RESF1: variants seen among roughly 807,000 people sequenced by gnomAD.
RESF1 encodes gonad expressed transcript.
RESF1 carries 65 observed loss-of-function variants against 134.7 expected under a neutral mutation model. The ratio of observed to expected loss-of-function variants is 0.48; its 90% CI spans 0.40 to 0.59. RESF1 has a LOEUF of 0.59. Ranked by LOEUF, RESF1 falls within the 20% of genes least tolerant of loss-of-function variation. The pLI, the probability that RESF1 is intolerant of heterozygous loss-of-function variation, is 0.00. For missense variants in RESF1, 2,274 were observed against 2,002.7 expected, an observed-to-expected ratio of 1.14 and a Z score of -2.59; for synonymous variants, 762 against 702.2, an observed-to-expected ratio of 1.09 and a Z score of -1.35.
chr12:31,974,648 A>G (rs190901944), intron 3 of RESF1, among the ~76,000 whole-genome samples: 219 of 152,186 alleles, frequency 1.4e-3, no homozygotes, highest in African/African-American at 5.0e-3. Context: ...CTATCTCCAA[A>G]TACACTGAGG....
At chr12:31,965,116 C>A (rs957862562) in intron 2 of RESF1, among the ~76,000 whole-genome samples, 1 of 152,108 alleles carries the variant, frequency 6.6e-6, no homozygotes, top group Non-Finnish European at 1.5e-5. Context: ...GCCACCACAC[C>A]GCGGTAATTT....
chr12:31,984,579 T>C lies in RESF1; in HGVS notation c.3624T>C (p.Ser1208=). 6.3e-7 allele frequency: 1 copy of C among 1,583,736 alleles called. No homozygotes were observed. Among genetic ancestry groups the C allele is most frequent in the Non-Finnish European group, 8.6e-7 (1 of 1,167,968 alleles). The change falls in exon 4 of 6, where the codon TCT becomes TCC. Residue 1208 remains serine, a synonymous_variant. Coordinates refer to ENST00000312561, the MANE Select transcript of RESF1 (RefSeq NM_018169.4). ...SEEEKQKEQC[S]PLDTNSCKQG... The stretch of plus-strand genomic sequence containing the variant: ...AAGAGAAACAAAAAGAGCAGTGTTC[T>C]CCTTTGGATACCAACAGTTGTAAAC...
intron 1 of RESF1, 54 bp downstream of exon 1, chr12:31,959,545 G>C (rs2120730999): frequency 6.6e-6 from 1 of 152,508 alleles, no homozygotes; most frequent in African/African-American, 2.4e-5. Context: ...GTCCGGGCGG[G>C]GCGGGGGCCG....
intron 3 of RESF1, among the ~76,000 whole-genome samples, chr12:31,976,662 G>A (rs2120818718): frequency 6.6e-6 from 1 of 152,046 alleles, no homozygotes; most frequent in Non-Finnish European, 1.5e-5. Flanking sequence ...CAGTCTGGGT[G>A]ACAGAGCGAG....
chr12:31,982,398 T>G lies in RESF1; in HGVS notation c.1443T>G (p.Thr481=), dbSNP rs1198862510. 6.2e-7 allele frequency: 1 copy of G among 1,614,038 alleles called. No individual in the cohort carries two copies. The highest frequency in any genetic ancestry group is 1.3e-5 in the African/African-American group (1 of 75,036). The change falls in exon 4 of 6, where the codon ACT becomes ACG. Residue 481 remains threonine, a synonymous_variant. Coordinates refer to ENST00000312561, the MANE Select transcript of RESF1 (RefSeq NM_018169.4). Reference sequence around the variant, plus strand: ...TGGAATCTGCAGAAACAAATAAGACTCAATGTATGTTGAATTCTGACATTC... The same window carrying G: ...TGGAATCTGCAGAAACAAATAAGACGCAATGTATGTTGAATTCTGACATTC... ...TVVESAETNK[T]QCMLNSDIQE...
At chr12:31,966,179 AT>A (rs1939393974) in intron 2 of RESF1, among the ~76,000 whole-genome samples, 1 of 152,084 alleles carries the variant, frequency 6.6e-6, no homozygotes, top group African/African-American at 2.4e-5. Flanking sequence ...CAAAAAAAAA[AT>A]CTCATAATGT....
intron 4 of RESF1, among the ~76,000 whole-genome samples, chr12:31,986,279 A>G (rs1011395191): frequency 1.3e-5 from 2 of 152,204 alleles, no homozygotes; most frequent in Non-Finnish European, 2.9e-5. Flanking sequence ...GGAATGTCAG[A>G]AAAGTGTCAA....
chr12:31,961,520 C>T (rs7955585), intron 2 of RESF1, among the ~76,000 whole-genome samples: 93,122 of 152,072 alleles, frequency 0.61, 29,020 homozygotes, highest in African/African-American at 0.66. Flanking sequence ...TGATGCATGG[C>T]AAGTGCCCAA....
At chr12:31,979,354 GT>G (rs1939717748) in intron 3 of RESF1, among the ~76,000 whole-genome samples, 1 of 152,122 alleles carries the variant, frequency 6.6e-6, no homozygotes, top group South Asian at 2.1e-4. Context: ...GAACCCACAA[GT>G]TAAAGGGCTC....
At chr12:31,988,116 A>G (rs984841278) in intron 5 of RESF1, among the ~76,000 whole-genome samples, 2 of 152,202 alleles carry the variant, frequency 1.3e-5, no homozygotes, top group African/African-American at 2.4e-5. Flanking sequence ...TTACATGTTA[A>G]TTTGATTAAT....
intron 2 of RESF1, among the ~76,000 whole-genome samples, chr12:31,966,625 A>C (rs1939402546): frequency 6.6e-6 from 1 of 152,166 alleles, no homozygotes; most frequent in African/African-American, 2.4e-5. Context: ...TCCCTTTTTT[A>C]GGGAGAAAGC....
At position 31,983,378 on chromosome 12, in the gene RESF1, C is replaced by G. The variant is rs150039507; in HGVS notation, c.2423C>G (p.Ala808Gly). ...TTACAAAATCAATTGGCAGAAAATG[C>G]AAAGGCAACTGCTGCTTTGAAAGTT... ...CSLQNQLAEN[A>G]KATAALKVDV... The change falls in exon 4 of 6, where the codon GCA (alanine) becomes GGA (glycine). Residue 808 changes from alanine to glycine, a missense_variant. Ala to Gly is a moderately conservative substitution (Grantham distance 60). Coordinates refer to ENST00000312561, the MANE Select transcript of RESF1 (RefSeq NM_018169.4). The G allele has an allele frequency of 1.2e-6, 2 of 1,613,958 alleles. No individual in the cohort carries two copies. Among genetic ancestry groups the G allele is most frequent in the African/African-American group, 2.7e-5 (2 of 75,056 alleles).
chr12:31,968,903 T>G lies in RESF1; in HGVS notation c.-246-1286T>G, dbSNP rs374925522. 1.2e-4 allele frequency among the ~76,000 whole-genome samples: 19 copies of G among 152,348 alleles called. No individual in the cohort carries two copies. The South Asian group carries it at 3.9e-3, about 32-fold the overall frequency. On this transcript the variant is annotated intron_variant, in intron 2 of 5. Coordinates refer to ENST00000312561, the MANE Select transcript of RESF1 (RefSeq NM_018169.4). ...CTGTTAATAGTACTTTGATTCACTC[T>G]GATGATGTTCCACTTACCTTTAATA...
chr12:31,990,817 A>G (rs545482615), intron 5 of RESF1, among the ~76,000 whole-genome samples: 1 of 152,296 alleles, frequency 6.6e-6, no homozygotes, highest in Non-Finnish European at 1.5e-5. Context: ...ATAGTGAATT[A>G]TATACCTTAG....
Position 31,985,051 on chromosome 12 carries a change from C to T in RESF1, c.4096C>T (p.Leu1366Phe), listed in dbSNP as rs1565487606. ...SLSPEKIKLK[L>F]KSVSFKQKRK... Reference sequence around the variant, plus strand: ...ATCACCAGAAAAGATAAAATTGAAACTCAAATCAGTTAGCTTCAAACAAAA... The same window carrying T: ...ATCACCAGAAAAGATAAAATTGAAATTCAAATCAGTTAGCTTCAAACAAAA... Residue 1366 changes from leucine (L) to phenylalanine (F), a missense_variant, in exon 4 of 6, where the codon CTC (leucine) becomes TTC (phenylalanine). Coordinates refer to ENST00000312561, the MANE Select transcript of RESF1 (RefSeq NM_018169.4). 7 of 1,582,898 alleles carry T rather than the reference C, an allele frequency of 4.4e-6. No homozygotes were observed. In the Admixed American group the frequency reaches 7.9e-5, roughly 18 times the overall value.
chr12:31,972,344 C>T (rs867687480), intron 3 of RESF1, among the ~76,000 whole-genome samples: 1 of 151,484 alleles, frequency 6.6e-6, no homozygotes, highest in Non-Finnish European at 1.5e-5. Context: ...CAGTGGCTCA[C>T]GCCTGTAATC....
At position 31,985,258 on chromosome 12, in the gene RESF1, G is replaced by A; in HGVS notation, c.4303G>A (p.Ala1435Thr). 6.2e-7 allele frequency: 1 copy of A among 1,610,712 alleles called. No homozygotes were observed. The highest frequency in any genetic ancestry group is 8.5e-7 in the Non-Finnish European group (1 of 1,179,264). Residue 1435 changes from alanine to threonine, a missense_variant, in exon 4 of 6, where the codon GCG becomes ACG. Transcript: ENST00000312561. ...VSNTKSVDTK[A>T]SSSKFSRILT... ...AAATACTAAGTCTGTAGACACGAAA[G>A]CGAGTTCATCTAAATTTAGTAGAAT...
In RESF1 at chr12:31,984,445, G is replaced by C. The variant is rs1359704909; in HGVS notation, c.3490G>C (p.Asp1164His). 1 of 1,614,134 alleles carries C rather than the reference G, an allele frequency of 6.2e-7. No individual in the cohort carries two copies. The highest frequency in any genetic ancestry group is 1.1e-5 in the South Asian group (1 of 91,076). Residue 1164 changes from aspartate (D) to histidine (H), a missense_variant, in exon 4 of 6, where the codon GAC becomes CAC. By Grantham distance (81) the Asp-to-His change is moderately conservative. Coordinates refer to ENST00000312561, the MANE Select transcript of RESF1 (RefSeq NM_018169.4). ...AGQSRDSVILDSEKDDIHCCA... is the reference protein window; with the variant it reads ...AGQSRDSVILHSEKDDIHCCA... ...ACAAAGTCGTGATTCTGTGATACTG[G>C]ACTCTGAGAAAGATGATATCCACTG...
chr12:31,967,164 C>T (rs2120771614), intron 2 of RESF1, among the ~76,000 whole-genome samples: 1 of 152,296 alleles, frequency 6.6e-6, no homozygotes, highest in African/African-American at 2.4e-5. Flanking sequence ...GGCTTGGTGT[C>T]ATCCCGTGGG....
Sources: gnomAD v4.1 joint callset for allele counts (sites outside exome capture counted in the v4.1 genomes callset) on GRCh38, gnomAD v4.1.1 for gene constraint, MANE v1.5 for transcripts, NCBI Gene and HGNC (gene_info 2026-07-23, HGNC 2026-07-21) for gene names.